LDLRAD4: variants seen among roughly 807,000 people sequenced by gnomAD.
The protein encoded by LDLRAD4 is low density lipoprotein receptor class A domain containing 4, also known as low-density lipoprotein receptor class A domain-containing protein 4.
A neutral mutation model predicts 17.0 loss-of-function variants in LDLRAD4; 5 were observed. That is an observed-to-expected ratio of 0.29 (90% CI 0.15 to 0.62). The LOEUF (loss-of-function observed/expected upper bound fraction) is 0.62, where lower values mean the gene tolerates loss of function less well. LDLRAD4 is among the 20% of genes least tolerant of loss of function. The pLI, the probability that LDLRAD4 is intolerant of heterozygous loss-of-function variation, is 0.84. For missense variants in LDLRAD4, 340 were observed against 424.7 expected (o/e 0.80, Z 1.75); for synonymous variants, 168 against 171.8 (o/e 0.98, Z 0.17).
chr18:13,219,861 C>G (rs997699428), intron 1 of LDLRAD4, among the ~76,000 whole-genome samples: 1 of 152,202 alleles, frequency 6.6e-6, no homozygotes, highest in African/African-American at 2.4e-5. Context: ...GCCATTGCAT[C>G]AAGTCATGTC....
intron 1 of LDLRAD4, among the ~76,000 whole-genome samples, chr18:13,286,476 A>G (rs1178275479): frequency 6.6e-6 from 1 of 152,224 alleles, no homozygotes. Context: ...GGTTCAAGCA[A>G]TCTTCCTGCC....
chr18:13,314,706 T>C (rs563629892), intron 1 of LDLRAD4, among the ~76,000 whole-genome samples: 38 of 152,242 alleles, frequency 2.5e-4, no homozygotes, highest in African/African-American at 8.7e-4. Flanking sequence ...ATGGAGCTTG[T>C]GGCAGTCTTG....
chr18:13,651,562 C>T (rs1027471933), exon 6 of LDLRAD4: 2 of 152,236 alleles, frequency 1.3e-5, no homozygotes, highest in Non-Finnish European at 2.9e-5. Context: ...ATTGTTACAT[C>T]TCTCTTCCGG....
At chr18:13,642,797 G>A (rs2042695752) in intron 4 of LDLRAD4, 1 of 1,188,124 alleles carries the variant, frequency 8.4e-7, no homozygotes, top group Non-Finnish European at 1.1e-6. Flanking sequence ...AATCTAATCT[G>A]GCCAGGAGTT....
At chr18:13,520,281 A>G (rs1299102507) in intron 3 of LDLRAD4, 1 of 152,226 alleles carries the variant, frequency 6.6e-6, no homozygotes, top group Non-Finnish European at 1.5e-5. Context: ...CCCTGTTGGC[A>G]TCCTCTGATC....
chr18:13,611,377 C>A, intron 3 of LDLRAD4: 1 of 711,238 alleles, frequency 1.4e-6, no homozygotes, highest in Non-Finnish European at 1.7e-6. Flanking sequence ...GCAGCGTTAC[C>A]ATGGCAGGCT....
intron 1 of LDLRAD4, among the ~76,000 whole-genome samples, chr18:13,327,228 T>C (rs2081584459): frequency 6.6e-6 from 1 of 152,092 alleles, no homozygotes; most frequent in Non-Finnish European, 1.5e-5. Flanking sequence ...CCACTTTGGT[T>C]AGCGTTTTGT....
At position 13,279,091 on chromosome 18, in the gene LDLRAD4, A is replaced by G. The variant is rs550624103; in HGVS notation, c.-383+903A>G. On this transcript the variant is annotated intron_variant, in intron 1 of 5. Transcript: ENST00000359446. Reference sequence around the variant, plus strand: ...GGTTCTGTGTGGGGGCAGCTCCTCCACTGCTGAGCTCGTGTGTTTCTCTCC... The same window carrying G: ...GGTTCTGTGTGGGGGCAGCTCCTCCGCTGCTGAGCTCGTGTGTTTCTCTCC... Among the ~76,000 whole-genome samples the G allele has an allele frequency of 2.0e-5, 3 of 152,260 alleles. No individual in the cohort carries two copies. In the South Asian group the frequency reaches 6.2e-4, roughly 32 times the overall value.
chr18:13,504,210 C>T (rs2093656215), intron 3 of LDLRAD4, among the ~76,000 whole-genome samples: 1 of 152,208 alleles, frequency 6.6e-6, no homozygotes, highest in Non-Finnish European at 1.5e-5. Context: ...GACTTGGACA[C>T]CAGATCCAAA....
intron 2 of LDLRAD4, among the ~76,000 whole-genome samples, chr18:13,434,067 T>C (rs2090506976): frequency 6.6e-6 from 1 of 152,158 alleles, no homozygotes; most frequent in Non-Finnish European, 1.5e-5. Context: ...TCTAGGTCCC[T>C]CTCAGCATTA....
At chr18:13,501,723 C>T (rs946372979) in intron 3 of LDLRAD4, among the ~76,000 whole-genome samples, 11 of 151,894 alleles carry the variant, frequency 7.2e-5, no homozygotes, top group Non-Finnish European at 1.2e-4. Context: ...GTGCACAGGA[C>T]GCCTGACACT....
At chr18:13,309,356 C>T (rs888615795) in intron 1 of LDLRAD4, among the ~76,000 whole-genome samples, 7 of 152,162 alleles carry the variant, frequency 4.6e-5, no homozygotes, top group Non-Finnish European at 8.8e-5. Context: ...ATGATGACTT[C>T]GCCGGTGAAA....
chr18:13,218,440 G>A (rs138878868), upstream of LDLRAD4, among the ~76,000 whole-genome samples: 3 of 152,308 alleles, frequency 2.0e-5, no homozygotes, highest in East Asian at 5.8e-4. Flanking sequence ...ACTGAATTCT[G>A]CACCGCCCGG....
intron 3 of LDLRAD4, among the ~76,000 whole-genome samples, chr18:13,483,011 C>T (rs1167781085): frequency 6.6e-6 from 1 of 152,156 alleles, no homozygotes; most frequent in African/African-American, 2.4e-5. Flanking sequence ...AGCCCACCCC[C>T]ATGCTTCAGA....
intron 2 of LDLRAD4, among the ~76,000 whole-genome samples, chr18:13,425,608 C>T (rs919723985): frequency 4.6e-5 from 7 of 152,302 alleles, no homozygotes; most frequent in African/African-American, 1.4e-4. Context: ...GTAGATGTGG[C>T]CATCCCTTCT....
chr18:13,472,911 A>G (rs896776591), intron 3 of LDLRAD4, among the ~76,000 whole-genome samples: 3 of 152,156 alleles, frequency 2.0e-5, no homozygotes, highest in Non-Finnish European at 4.4e-5. Flanking sequence ...GGTAGTGTTT[A>G]TGTCTGTCTT....
chr18:13,462,689 G>A (rs1350451600), intron 3 of LDLRAD4, among the ~76,000 whole-genome samples: 3 of 152,180 alleles, frequency 2.0e-5, no homozygotes, highest in Admixed American at 6.5e-5. Flanking sequence ...ATATCAATGC[G>A]GAAGGTGGGA....
At chr18:13,291,200 C>T (rs551853289) in intron 1 of LDLRAD4, among the ~76,000 whole-genome samples, 4 of 152,272 alleles carry the variant, frequency 2.6e-5, no homozygotes, top group African/African-American at 4.8e-5. Context: ...TGTTTGCTGA[C>T]GTCTTTACAC....
At chr18:13,225,078 C>G (rs192251883) in intron 1 of LDLRAD4, among the ~76,000 whole-genome samples, 176 of 152,204 alleles carry the variant, frequency 1.2e-3, no homozygotes, top group Admixed American at 3.4e-3. Context: ...TCAAGTGATC[C>G]GCCCGCCTCA....
Sources: allele counts gnomAD v4.1 joint callset (sites outside exome capture counted in the v4.1 genomes callset), GRCh38; gene constraint gnomAD v4.1.1; transcripts MANE v1.5; gene names NCBI Gene and HGNC (gene_info 2026-07-23, HGNC 2026-07-21).